Variants in TASP1 observed in about 807,000 individuals in gnomAD.
The protein encoded by TASP1 is taspase 1.
Under a neutral mutation model 56.6 loss-of-function variants are expected in TASP1, and 16 were observed. That is an observed-to-expected ratio of 0.28 (90% confidence interval 0.19 to 0.43). The LOEUF is 0.43. TASP1 is among the 20% of genes least tolerant of loss of function. TASP1 has a pLI of 1.00. For synonymous variants in TASP1, 179 were observed against 184.2 expected (o/e 0.97, Z 0.23); for missense variants, 393 against 511.6 (o/e 0.77, Z 2.24).
intron 8 of TASP1, among the ~76,000 whole-genome samples, chr20:13,555,456 G>A (rs1281255761): frequency 6.6e-6 from 1 of 150,444 alleles, no homozygotes; most frequent in Non-Finnish European, 1.5e-5. Flanking sequence ...TTCATCCAGA[G>A]TAGATTCCAT....
the TASP1 span, among the ~76,000 whole-genome samples, chr20:13,162,217 G>C: frequency 2.0e-5 from 3 of 152,182 alleles, no homozygotes; most frequent in Non-Finnish European, 2.9e-5. Context: ...CAGTGAAGAG[G>C]GGACCTTGCA....
At chr20:13,555,828 CA>C in intron 8 of TASP1, among the ~76,000 whole-genome samples, 1 of 152,220 alleles carries the variant, frequency 6.6e-6, no homozygotes, top group African/African-American at 2.4e-5. Context: ...CTTAGCCTTA[CA>C]AAATGTCTTT....
At chr20:13,249,706 G>A in the TASP1 span, among the ~76,000 whole-genome samples, 12 of 152,148 alleles carry the variant, frequency 7.9e-5, no homozygotes, top group African/African-American at 2.2e-4. Flanking sequence ...TTTGCCTTTC[G>A]GAACACACAA....
intron 4 of TASP1, among the ~76,000 whole-genome samples, chr20:13,620,734 A>G (rs1342859063): frequency 6.6e-6 from 1 of 152,234 alleles, no homozygotes; most frequent in Non-Finnish European, 1.5e-5. Flanking sequence ...AATTAAATAT[A>G]ACACATTGTT....
At chr20:13,379,500 C>G in the TASP1 span, among the ~76,000 whole-genome samples, 4 of 152,072 alleles carry the variant, frequency 2.6e-5, no homozygotes, top group Admixed American at 6.6e-5. Context: ...CTCTGGCTAC[C>G]CTTAATATTT....
chr20:13,170,121 A>C, the TASP1 span, among the ~76,000 whole-genome samples: 1 of 152,222 alleles, frequency 6.6e-6, no homozygotes, highest in Non-Finnish European at 1.5e-5. Flanking sequence ...ACCACATGCC[A>C]GACACGATAT....
chr20:13,375,419 T>G, the TASP1 span, among the ~76,000 whole-genome samples: 1 of 152,208 alleles, frequency 6.6e-6, no homozygotes, highest in African/African-American at 2.4e-5. Flanking sequence ...AAACTCATTC[T>G]TTTTTATGGC....
chr20:13,410,684 T>A (rs1235020996), intron 13 of TASP1, among the ~76,000 whole-genome samples: 4 of 152,176 alleles, frequency 2.6e-5, no homozygotes, highest in East Asian at 1.9e-4. Context: ...TCTTTTTTTT[T>A]AAACATTGAG....
In TASP1 at chr20:13,565,100, T is replaced by C. The variant is rs911861544; in HGVS notation, c.568+4407A>G. On this transcript the variant is annotated intron_variant, in intron 7 of 13. Transcript: ENST00000337743. ...GAGTTCAAAAATAAACTCTCACATATATGGTCAACGATTTGACGAGGGTAC... is the reference window on the plus strand; with the variant it reads ...GAGTTCAAAAATAAACTCTCACATACATGGTCAACGATTTGACGAGGGTAC... 5.2e-4 allele frequency among the ~76,000 whole-genome samples: 78 copies of C among 151,196 alleles called. 1 individual carries two copies. The highest frequency in any genetic ancestry group is 5.1e-3 in the Admixed American group (78 of 15,208).
At chr20:13,154,670 G>A in the TASP1 span, among the ~76,000 whole-genome samples, 1 of 152,144 alleles carries the variant, frequency 6.6e-6, no homozygotes, top group African/African-American at 2.4e-5. Flanking sequence ...AACCCAAACT[G>A]AGGCTCACAT....
At chr20:13,412,001 G>A (rs140864172) in intron 13 of TASP1, among the ~76,000 whole-genome samples, 54 of 152,296 alleles carry the variant, frequency 3.5e-4, no homozygotes, top group African/African-American at 1.2e-3. Flanking sequence ...GGACCACTAT[G>A]CTTCCGAGTT....
intron 11 of TASP1, among the ~76,000 whole-genome samples, chr20:13,452,122 G>T (rs2043643911): frequency 6.6e-6 from 1 of 151,982 alleles, no homozygotes; most frequent in South Asian, 2.1e-4. Context: ...GATCACTGAT[G>T]ACAGACTATC....
the TASP1 span, among the ~76,000 whole-genome samples, chr20:13,182,377 G>A: frequency 6.6e-6 from 1 of 152,010 alleles, no homozygotes; most frequent in African/African-American, 2.4e-5. Context: ...ATTGTATTTA[G>A]TTATCTGCTG....
intron 12 of TASP1, among the ~76,000 whole-genome samples, chr20:13,428,836 T>G (rs2042704267): frequency 6.6e-6 from 1 of 152,210 alleles, no homozygotes; most frequent in Admixed American, 6.5e-5. Context: ...TCTGTGATAT[T>G]TCATTTTTCT....
At chr20:13,527,389 A>G (rs563406629) in intron 10 of TASP1, among the ~76,000 whole-genome samples, 63 of 152,252 alleles carry the variant, frequency 4.1e-4, no homozygotes, top group African/African-American at 1.4e-3. Flanking sequence ...CTCTCCCGAT[A>G]AAGTCTGATG....
chr20:13,117,536 G>C, the TASP1 span: 3 of 1,606,376 alleles, frequency 1.9e-6, no homozygotes, highest in Non-Finnish European at 2.6e-6. Context: ...ATCTGCCCCA[G>C]ATCATAGCTC....
intron 12 of TASP1, among the ~76,000 whole-genome samples, chr20:13,428,072 C>A (rs939183118): frequency 6.6e-6 from 1 of 152,146 alleles, no homozygotes; most frequent in African/African-American, 2.4e-5. Context: ...AACACACAGC[C>A]TCTTTTTACT....
chr20:13,588,565 C>T (rs184819724), intron 4 of TASP1, among the ~76,000 whole-genome samples: 8 of 152,064 alleles, frequency 5.3e-5, no homozygotes, highest in African/African-American at 1.4e-4. Context: ...GAAAATCTCA[C>T]AATAACATCA....
intron 4 of TASP1, among the ~76,000 whole-genome samples, chr20:13,603,093 T>C (rs1426024158): frequency 1.3e-5 from 2 of 152,016 alleles, no homozygotes; most frequent in East Asian, 1.9e-4. Context: ...CAGCTGGGCA[T>C]GGTGGCGTGC....
Sources: gnomAD v4.1 joint callset for allele counts (sites outside exome capture counted in the v4.1 genomes callset) on GRCh38, gnomAD v4.1.1 for gene constraint, MANE v1.5 for transcripts, NCBI Gene and HGNC (gene_info 2026-07-23, HGNC 2026-07-21) for gene names.